PHF3: variants seen among roughly 807,000 people sequenced by gnomAD.
PHF3 encodes the protein PHD finger protein 3.
A neutral mutation model predicts 178.4 loss-of-function variants in PHF3; 41 were observed. The observed-to-expected ratio is 0.23, with a 90% CI of 0.18 to 0.30. The LOEUF is 0.30. PHF3 is among the 10% of genes least tolerant of loss of function. PHF3 has a pLI of 1.00. For missense variants in PHF3, 2,346 were observed against 2,398.1 expected (o/e 0.98, Z 0.45); for synonymous variants, 842 against 800.5 (o/e 1.05, Z -0.88).
chr6:63,696,298 G>A (rs192870027), intron 6 of PHF3, among the ~76,000 whole-genome samples: 152 of 152,252 alleles, frequency 1.0e-3, no homozygotes, highest in Non-Finnish European at 1.7e-3. Flanking sequence ...CAGAAGCAGA[G>A]CCCTTGGGAA....
At position 63,713,723 on chromosome 6, in the gene PHF3, T is replaced by A; in HGVS notation, c.*15T>A. On this transcript the variant is annotated 3_prime_UTR_variant, in exon 16 of 16. Transcript: ENST00000262043. ...GCAAAAGGTAAAATTTGCAGGCTGC[T>A]TCAGGATTACATTTAAATAACTGTT... 3.3e-6 allele frequency: 5 copies of A among 1,527,898 alleles called. No homozygotes were observed. Among genetic ancestry groups the A allele is most frequent in the Non-Finnish European group, 4.4e-6 (5 of 1,141,858 alleles). 94.6% of individuals were successfully genotyped at this position (1,527,898 alleles called of 1,614,324 possible).
rs1561996423 is a variant in PHF3, at chr6:63,725,768, C to T, written c.*12060C>T. ...CTATAAGAACTACTTAGATTATGAT[C>T]ATTAGAGCACCATTTTTGCTAATGA... is the stretch of plus-strand genomic sequence containing the variant. On this transcript the variant is annotated 3_prime_UTR_variant, in exon 16 of 16. Transcript: ENST00000262043. Among the ~76,000 whole-genome samples the T allele has an allele frequency of 6.6e-6, 1 of 152,076 alleles. No homozygotes were observed. The highest frequency in any genetic ancestry group is 1.5e-5 in the Non-Finnish European group (1 of 67,962).
At chr6:63,667,443 T>A (rs989781776) in intron 2 of PHF3, among the ~76,000 whole-genome samples, 1 of 152,206 alleles carries the variant, frequency 6.6e-6, no homozygotes, top group African/African-American at 2.4e-5. Flanking sequence ...TTTGCTATAT[T>A]TGTTGTATTA....
rs1354035849 is a variant in PHF3, at chr6:63,659,634, A to G, written c.244+12839A>G. ...TCCCTTACCTGAAATGCTTAGGACC[A>G]GAAGTGTTTCAGATTTTGGATTTTA... On this transcript the variant is annotated intron_variant, in intron 2 of 15. Coordinates refer to ENST00000262043, the MANE Select transcript of PHF3 (RefSeq NM_001370348.2). 2.0e-5 allele frequency among the ~76,000 whole-genome samples: 3 copies of G among 152,212 alleles called. No homozygotes were observed. In the East Asian group the frequency reaches 5.8e-4, roughly 29 times the overall value.
intron 2 of PHF3, 23 bp from the exon 3 acceptor site, chr6:63,679,977 A>T: frequency 6.3e-7 from 1 of 1,598,200 alleles, no homozygotes; most frequent in Non-Finnish European, 8.6e-7. Flanking sequence ...TTAAAAGTTA[A>T]TTTTTTTGTC....
Position 63,712,752 on chromosome 6 carries a change from T to C in PHF3, c.5164T>C (p.Ser1722Pro). The C allele has an allele frequency of 6.2e-7, 1 of 1,613,954 alleles. No homozygotes were observed. Among genetic ancestry groups the C allele is most frequent in the East Asian group, 2.2e-5 (1 of 44,844 alleles). The change falls in exon 16 of 16, where the codon TCA becomes CCA. Residue 1722 changes from serine to proline, a missense_variant. Physicochemically the swap from Ser to Pro is moderately conservative, Grantham distance 74. Coordinates refer to ENST00000262043, the MANE Select transcript of PHF3 (RefSeq NM_001370348.2). ...QSDNLKVAQNSPSVENIQTSQ... is the reference protein window; with the variant it reads ...QSDNLKVAQNPPSVENIQTSQ... The stretch of plus-strand genomic sequence containing the variant: ...TGACAATTTAAAAGTTGCACAAAAC[T>C]CACCATCAGTAGAAAACATACAGAC...
chr6:63,635,833 C>T lies in PHF3; in HGVS notation c.-343C>T, dbSNP rs529222567. 2.0e-5 allele frequency: 8 copies of T among 395,954 alleles called. No individual in the cohort carries two copies. The highest frequency in any genetic ancestry group is 1.3e-4 in the Admixed American group (3 of 22,648). 24.5% of individuals were successfully genotyped at this position (395,954 alleles called of 1,614,324 possible). On this transcript the variant is annotated 5_prime_UTR_variant, in exon 1 of 16. Coordinates refer to ENST00000262043, the MANE Select transcript of PHF3 (RefSeq NM_001370348.2). ...GTCACGTGACACGGCCCCTCTCCAG[C>T]TCCCGCGCCGCCGCCGCACGCCGAT...
intron 9 of PHF3, 95 bp from the exon 10 acceptor site, chr6:63,702,413 T>G: frequency 1.3e-6 from 1 of 765,814 alleles, no homozygotes; most frequent in Non-Finnish European, 2.0e-6. Flanking sequence ...TCTGTGGTGA[T>G]TTGTTTATTT....
Position 63,635,808 on chromosome 6 carries a change from G to C in PHF3, c.-368G>C, listed in dbSNP as rs967186160. The C allele has an allele frequency of 2.5e-6, 1 of 394,016 alleles. No individual in the cohort carries two copies. Among genetic ancestry groups the C allele is most frequent in the Non-Finnish European group, 4.5e-6 (1 of 223,156 alleles). 24.4% of individuals were successfully genotyped at this position (394,016 alleles called of 1,614,324 possible). On this transcript the variant is annotated 5_prime_UTR_variant, in exon 1 of 16. Transcript: ENST00000262043. ...GGCCCCCGGAACGGTAAACAGTGGG[G>C]TCACGTGACACGGCCCCTCTCCAGC...
At chr6:63,665,594 T>C (rs1442115892) in intron 2 of PHF3, among the ~76,000 whole-genome samples, 1 of 150,830 alleles carries the variant, frequency 6.6e-6, no homozygotes, top group Non-Finnish European at 1.5e-5. Context: ...CAAGCAATTC[T>C]TTTGCCTCAG....
intron 2 of PHF3, among the ~76,000 whole-genome samples, chr6:63,667,692 T>G (rs1036976319): frequency 6.6e-5 from 10 of 152,238 alleles, no homozygotes; most frequent in African/African-American, 2.4e-4. Context: ...TTAGTTGTAT[T>G]TCCGAAGTCT....
intron 2 of PHF3, among the ~76,000 whole-genome samples, chr6:63,649,726 C>T (rs965334077): frequency 1.3e-5 from 2 of 152,190 alleles, no homozygotes; most frequent in Non-Finnish European, 1.5e-5. Context: ...CAGCTTTCTT[C>T]TTTGAATGCT....
intron 1 of PHF3, among the ~76,000 whole-genome samples, chr6:63,638,907 G>A (rs1764460869): frequency 6.6e-6 from 1 of 152,122 alleles, no homozygotes; most frequent in Non-Finnish European, 1.5e-5. Context: ...CACATGGAAA[G>A]ATATTGAGAG....
In PHF3 at chr6:63,714,399, G is replaced by A. The variant is rs1768110330; in HGVS notation, c.*691G>A. On this transcript the variant is annotated 3_prime_UTR_variant, in exon 16 of 16. Coordinates refer to ENST00000262043, the MANE Select transcript of PHF3 (RefSeq NM_001370348.2). ...TTTGCTATCCTTTTTACTGTAAAAT[G>A]TAAATATTTTAAGGGATATTTTGAT... The A allele has an allele frequency of 6.6e-6, 1 of 152,458 alleles. No individual in the cohort carries two copies. Among genetic ancestry groups the A allele is most frequent in the Non-Finnish European group, 1.5e-5 (1 of 67,978 alleles). 9.4% of individuals were successfully genotyped at this position (152,458 alleles called of 1,614,324 possible).
chr6:63,697,611 A>T (rs1767288194), intron 6 of PHF3, among the ~76,000 whole-genome samples: 1 of 152,190 alleles, frequency 6.6e-6, no homozygotes, highest in Admixed American at 6.5e-5. Flanking sequence ...ACATGTTTAA[A>T]AGAGAGAGAA....
At chr6:63,662,443 C>T (rs1459638431) in intron 2 of PHF3, among the ~76,000 whole-genome samples, 1 of 152,140 alleles carries the variant, frequency 6.6e-6, no homozygotes, top group East Asian at 1.9e-4. Flanking sequence ...TCGCTGTTTT[C>T]TTCTAGTCAT....
intron 4 of PHF3, among the ~76,000 whole-genome samples, chr6:63,690,316 G>T (rs1027318967): frequency 6.6e-6 from 1 of 152,096 alleles, no homozygotes; most frequent in Non-Finnish European, 1.5e-5. Context: ...TACCAGCAAG[G>T]ATAAAGAATG....
rs750518273 is a variant in PHF3, at chr6:63,712,788, G to A, written c.5200G>A (p.Glu1734Lys). Residue 1734 changes from glutamate to lysine, a missense_variant, in exon 16 of 16, where the codon GAA (glutamate) becomes AAA (lysine). By Grantham distance (56) the Glu-to-Lys change is moderately conservative. Around this residue, in one of 8 missense-constraint regions of PHF3, gnomAD observed 839 missense variants for 806.9 expected, o/e 1.04. Coordinates refer to ENST00000262043, the MANE Select transcript of PHF3 (RefSeq NM_001370348.2). Reference protein sequence around the residue: ...SVENIQTSQAEQAKPLQEDIL... With the variant: ...SVENIQTSQAKQAKPLQEDIL... ...AGAAAACATACAGACTTCTCAAGCAGAACAAGCAAAACCCTTACAGGAGGA... is the reference window on the plus strand; with the variant it reads ...AGAAAACATACAGACTTCTCAAGCAAAACAAGCAAAACCCTTACAGGAGGA... The A allele has an allele frequency of 1.2e-6, 2 of 1,613,918 alleles. No individual in the cohort carries two copies. Among genetic ancestry groups the A allele is most frequent in the Middle Eastern group, 1.7e-4 (1 of 6,058 alleles).
chr6:63,713,758 T>C lies in PHF3; in HGVS notation c.*50T>C. On this transcript the variant is annotated 3_prime_UTR_variant, in exon 16 of 16. Transcript: ENST00000262043. ...CATTTAAATAACTGTTAAAATGTTG[T>C]ATCTTGTAAACAAAAGAAAGATTGC... 7.1e-7 allele frequency: 1 copy of C among 1,407,306 alleles called. No homozygotes were observed. Among genetic ancestry groups the C allele is most frequent in the South Asian group, 1.5e-5 (1 of 67,888 alleles). 87.2% of individuals were successfully genotyped at this position (1,407,306 alleles called of 1,614,324 possible). A position where few individuals can be genotyped will look rare whatever the true frequency, so the allele number is the denominator to read the frequency against.
Sources: gnomAD v4.1 joint callset for allele counts (sites outside exome capture counted in the v4.1 genomes callset) on GRCh38, gnomAD v4.1.1 for gene constraint, gnomAD v4.1.1 regional missense constraint, MANE v1.5 for transcripts, NCBI Gene and HGNC (gene_info 2026-07-23, HGNC 2026-07-21) for gene names.